The following JMJD1C variants were observed in gnomAD, a reference collection of about 807,000 sequenced individuals.
The protein encoded by JMJD1C is jumonji domain-containing protein 1C.
Under a neutral mutation model 245.3 loss-of-function variants are expected in JMJD1C, and 31 were observed. That is an observed-to-expected ratio of 0.13 (90% confidence interval 0.09 to 0.17). The LOEUF is 0.17. Among genes scored for constraint, JMJD1C ranks in the 10% least tolerant of loss-of-function variants. The probability of loss-of-function intolerance (pLI) is 1.00; values close to 1 mark genes in which losing one functional copy is unlikely to be tolerated. For synonymous variants in JMJD1C, 1,057 were observed against 1,017.4 expected (o/e 1.04, Z -0.74); for missense variants, 2,691 against 3,000.2 (o/e 0.90, Z 2.41).
At chr10:63,192,413 T>G (rs1426844217) in intron 16 of JMJD1C, among the ~76,000 whole-genome samples, 1 of 151,934 alleles carries the variant, frequency 6.6e-6, no homozygotes, top group East Asian at 1.9e-4. Flanking sequence ...CTACTAAAAA[T>G]ATACACTAGC....
At chr10:63,473,960 T>G (rs1428379028) in intron 1 of JMJD1C, among the ~76,000 whole-genome samples, 3 of 151,816 alleles carry the variant, frequency 2.0e-5, no homozygotes, top group Non-Finnish European at 4.4e-5. Flanking sequence ...GGAGAATCCC[T>G]AGATCCCGGG....
At chr10:63,260,710 C>T (rs1411630227) in intron 3 of JMJD1C, among the ~76,000 whole-genome samples, 1 of 151,816 alleles carries the variant, frequency 6.6e-6, no homozygotes, top group African/African-American at 2.4e-5. Context: ...CTGCTTCAGC[C>T]TCCAAAGTAG....
intron 2 of JMJD1C, among the ~76,000 whole-genome samples, chr10:63,326,544 G>A (rs1366147537): frequency 4.0e-5 from 6 of 151,856 alleles, no homozygotes; most frequent in African/African-American, 7.3e-5. Context: ...TGGTGGAGGC[G>A]GAGAGGTGGA....
chr10:63,218,945 T>C (rs1311849061), intron 4 of JMJD1C, among the ~76,000 whole-genome samples: 1 of 152,178 alleles, frequency 6.6e-6, no homozygotes, highest in Non-Finnish European at 1.5e-5. Context: ...CAGAATAATG[T>C]TCCAGCATTG....
At position 63,214,490 on chromosome 10, in the gene JMJD1C, T is replaced by A. The variant is rs1468987639; in HGVS notation, c.1677A>T (p.Lys559Asn). The change falls in exon 8 of 26, where the codon AAA becomes AAT. Residue 559 changes from lysine to asparagine, a missense_variant. This residue lies in a region of JMJD1C where 1,562 missense variants were observed against 1,490.7 expected (regional missense o/e 1.05). Coordinates refer to ENST00000399262, the MANE Select transcript of JMJD1C (RefSeq NM_032776.3). The stretch of plus-strand genomic sequence containing the variant: ...CACTGACCCAGCTCTGGTCAGAATC[T>A]TTTTTTGCTGTTTCCAAGAATTTTG... Reference protein sequence around the residue: ...ANAKFLETAKKDSDQSWVSDV... With the variant: ...ANAKFLETAKNDSDQSWVSDV... The A allele has an allele frequency of 4.3e-6, 7 of 1,613,802 alleles. No homozygotes were observed. The highest frequency in any genetic ancestry group is 4.2e-6 in the Non-Finnish European group (5 of 1,179,860).
chr10:63,194,901 A>G (rs969168692), intron 13 of JMJD1C, among the ~76,000 whole-genome samples: 2 of 152,224 alleles, frequency 1.3e-5, no homozygotes, highest in Non-Finnish European at 2.9e-5. Flanking sequence ...CTGAAGTTGT[A>G]AAGAATTAAG....
At chr10:63,325,303 C>T (rs1221115070) in intron 2 of JMJD1C, among the ~76,000 whole-genome samples, 1 of 152,092 alleles carries the variant, frequency 6.6e-6, no homozygotes, top group Non-Finnish European at 1.5e-5. Flanking sequence ...CCCAAGAATA[C>T]TAGAATAGGG....
chr10:63,479,171 T>C (rs779177344), intron 1 of JMJD1C, among the ~76,000 whole-genome samples: 1 of 151,978 alleles, frequency 6.6e-6, no homozygotes, highest in Non-Finnish European at 1.5e-5. Context: ...GCTTTTTGTT[T>C]CAAAAATTTT....
intron 2 of JMJD1C, among the ~76,000 whole-genome samples, chr10:63,276,634 A>T (rs1315396167): frequency 6.6e-6 from 1 of 152,066 alleles, no homozygotes; most frequent in Non-Finnish European, 1.5e-5. Context: ...CGCCCCAGCT[A>T]ATCTTTGTAT....
rs183013953 is a variant in JMJD1C at position 63,207,102 on chromosome 10, T to C, written c.4567A>G (p.Ile1523Val). 4.3e-6 allele frequency: 7 copies of C among 1,614,228 alleles called. No individual in the cohort carries two copies. The South Asian group carries it at 6.6e-5, about 15-fold the overall frequency. The change falls in exon 10 of 26, where the codon ATC (isoleucine) becomes GTC (valine). Residue 1523 changes from isoleucine to valine, a missense_variant. Ile to Val is a conservative substitution (Grantham distance 29). Coordinates refer to ENST00000399262, the MANE Select transcript of JMJD1C (RefSeq NM_032776.3). ...SASLPLDSTV[I>V]CSTINKANSV... ...TTTGCTTTGTTAATTGTACTACAGA[T>C]TACAGTGCTATCCAGAGGAAGGGAG... is the stretch of plus-strand genomic sequence containing the variant.
intron 3 of JMJD1C, among the ~76,000 whole-genome samples, chr10:63,263,730 G>A (rs1020806859): frequency 1.3e-5 from 2 of 151,942 alleles, no homozygotes; most frequent in South Asian, 2.1e-4. Context: ...TCAGGAGTTC[G>A]AGACCAGTCT....
chr10:63,409,572 C>T (rs145594835), intron 1 of JMJD1C, among the ~76,000 whole-genome samples: 2 of 152,238 alleles, frequency 1.3e-5, no homozygotes, highest in East Asian at 3.9e-4. Context: ...AAAATCAATT[C>T]TGCAGACATC....
At chr10:63,420,006 C>T (rs888924434) in intron 1 of JMJD1C, among the ~76,000 whole-genome samples, 6 of 151,484 alleles carry the variant, frequency 4.0e-5, no homozygotes, top group South Asian at 2.1e-4. Flanking sequence ...CATGATGGCG[C>T]GCGCCTGGAG....
intron 10 of JMJD1C, chr10:63,203,266 A>G: frequency 1.0e-6 from 1 of 976,794 alleles, no homozygotes; most frequent in Non-Finnish European, 1.2e-6. Context: ...CCATATATAT[A>G]TAATTTACTG....
intron 1 of JMJD1C, among the ~76,000 whole-genome samples, chr10:63,442,146 A>G (rs1057056576): frequency 2.0e-5 from 3 of 152,340 alleles, no homozygotes; most frequent in Admixed American, 6.5e-5. Flanking sequence ...AAGATTCAGG[A>G]AGACTGATCT....
intron 2 of JMJD1C, among the ~76,000 whole-genome samples, chr10:63,362,391 C>T (rs893980522): frequency 6.6e-6 from 1 of 152,016 alleles, no homozygotes; most frequent in Non-Finnish European, 1.5e-5. Flanking sequence ...TTTAAGTGCA[C>T]AATTCTTGCC....
chr10:63,473,563 T>C (rs1238688640), intron 1 of JMJD1C, among the ~76,000 whole-genome samples: 1 of 152,072 alleles, frequency 6.6e-6, no homozygotes, highest in Non-Finnish European at 1.5e-5. Flanking sequence ...AAAGAACTTC[T>C]AGGAATTACA....
At chr10:63,222,836 G>T in intron 3 of JMJD1C, 1 of 1,442,200 alleles carries the variant, frequency 6.9e-7, no homozygotes, top group East Asian at 2.3e-5. Flanking sequence ...TTGGTGTGGA[G>T]TCAAAAGTAC....
At chr10:63,413,376 TA>T (rs1949600903) in intron 1 of JMJD1C, among the ~76,000 whole-genome samples, 1 of 152,180 alleles carries the variant, frequency 6.6e-6, no homozygotes, top group Non-Finnish European at 1.5e-5. Context: ...TTACCTCTGT[TA>T]AATAACATTC....
Sources: gnomAD v4.1 joint callset for allele counts (sites outside exome capture counted in the v4.1 genomes callset) on GRCh38, gnomAD v4.1.1 for gene constraint, gnomAD v4.1.1 regional missense constraint, MANE v1.5 for transcripts, NCBI Gene and HGNC (gene_info 2026-07-23, HGNC 2026-07-21) for gene names.